Variants in CLNK observed in about 807,000 individuals in gnomAD.
CLNK encodes the protein cytokine-dependent hematopoietic cell linker.
In CLNK, 74 loss-of-function variants were observed where a neutral mutation model predicts 68.6. The observed-to-expected ratio is 1.08, with a 90% CI of 0.89 to 1.31. The LOEUF (loss-of-function observed/expected upper bound fraction) is 1.31. Ranked by LOEUF, CLNK falls within the 50% of genes most tolerant of loss-of-function variation. The pLI is 0.00. For synonymous variants in CLNK, 198 were observed against 172.2 expected (o/e 1.15, Z -1.17); for missense variants, 553 against 515.3 (o/e 1.07, Z -0.71).
At chr4:10,552,666 T>G (rs1719508713) in intron 8 of CLNK, among the ~76,000 whole-genome samples, 2 of 152,034 alleles carry the variant, frequency 1.3e-5, no homozygotes, top group South Asian at 4.1e-4. Flanking sequence ...TTACCTGCCC[T>G]CCCATCCCTT....
chr4:10,619,341 G>A (rs1303794920), intron 2 of CLNK, among the ~76,000 whole-genome samples: 1 of 152,152 alleles, frequency 6.6e-6, no homozygotes, highest in Non-Finnish European at 1.5e-5. Flanking sequence ...TTTTTAAACC[G>A]GTCAGACTCC....
the CLNK span, among the ~76,000 whole-genome samples, chr4:10,721,157 G>A: frequency 1.3e-5 from 2 of 150,682 alleles, no homozygotes; most frequent in African/African-American, 4.9e-5. Flanking sequence ...GCCAGGGACT[G>A]AGGAGGGAGG....
At chr4:10,535,200 AGAAAGAAAGAAAG>A (rs1192573789) in intron 11 of CLNK, among the ~76,000 whole-genome samples, 9 of 144,000 alleles carry the variant, frequency 6.3e-5, no homozygotes, top group Admixed American at 5.9e-4. Flanking sequence ...CTTAAAAAAA[AGAAAGAAAGAAAG>A]AGAAAGAAAG....
intron 8 of CLNK, among the ~76,000 whole-genome samples, chr4:10,557,145 C>A (rs1202315343): frequency 1.3e-5 from 2 of 151,986 alleles, no homozygotes; most frequent in Admixed American, 1.3e-4. Flanking sequence ...AGGGGTCTTA[C>A]TTAAGGTCAC....
intron 1 of CLNK, among the ~76,000 whole-genome samples, chr4:10,668,611 G>A (rs1170103267): frequency 6.6e-6 from 1 of 152,184 alleles, no homozygotes; most frequent in East Asian, 1.9e-4. Context: ...CAGGGTAGAA[G>A]GAATCCACAG....
At chr4:10,641,015 T>C (rs1226206535) in intron 2 of CLNK, among the ~76,000 whole-genome samples, 4 of 152,062 alleles carry the variant, frequency 2.6e-5, no homozygotes, top group African/African-American at 9.7e-5. Flanking sequence ...GTCAGGGCTA[T>C]TTTTCATGTA....
intron 11 of CLNK, among the ~76,000 whole-genome samples, chr4:10,533,147 A>C (rs576848217): frequency 6.6e-6 from 1 of 152,158 alleles, no homozygotes; most frequent in East Asian, 1.9e-4. Context: ...AGTCCCAGCT[A>C]CTCGGGAGGC....
intron 7 of CLNK, among the ~76,000 whole-genome samples, chr4:10,562,070 A>G (rs1487504661): frequency 6.8e-6 from 1 of 146,188 alleles, no homozygotes; most frequent in Non-Finnish European, 1.5e-5. Context: ...CTTGGATCTT[A>G]TTGAAGATTC....
At chr4:10,565,878 C>T in intron 6 of CLNK, 131 bp downstream of exon 6, 3 of 925,146 alleles carry the variant, frequency 3.2e-6, no homozygotes, top group South Asian at 1.9e-5. Context: ...CTCAAGGTCA[C>T]ACAGCTAGTA....
At chr4:10,516,788 C>T (rs546491849) in intron 15 of CLNK, among the ~76,000 whole-genome samples, 20 of 152,182 alleles carry the variant, frequency 1.3e-4, no homozygotes, top group African/African-American at 4.1e-4. Context: ...TGATCTCAGG[C>T]GATCCGCCCA....
At chr4:10,568,333 G>A (rs772390302) in intron 5 of CLNK, among the ~76,000 whole-genome samples, 10 of 152,160 alleles carry the variant, frequency 6.6e-5, no homozygotes, top group Non-Finnish European at 1.3e-4. Flanking sequence ...TCTGGAAGAG[G>A]AGGATCTATA....
the CLNK span, among the ~76,000 whole-genome samples, chr4:10,710,146 G>A: frequency 6.6e-6 from 1 of 152,168 alleles, no homozygotes; most frequent in Admixed American, 6.5e-5. Flanking sequence ...AAAGTAAGAG[G>A]CAAAAGGGAG....
chr4:10,629,467 G>A (rs2108867689), intron 2 of CLNK, among the ~76,000 whole-genome samples: 2 of 152,172 alleles, frequency 1.3e-5, no homozygotes, highest in East Asian at 3.9e-4. Flanking sequence ...TCACAGATGA[G>A]GCCCCCTGAT....
At chr4:10,571,892 C>G in intron 4 of CLNK, 114 bp from the exon 5 acceptor site, 1 of 763,944 alleles carries the variant, frequency 1.3e-6, no homozygotes, top group Non-Finnish European at 2.2e-6. Context: ...AATTAACTTA[C>G]CTTGATTGTG....
upstream of CLNK, among the ~76,000 whole-genome samples, chr4:10,686,220 C>T (rs1282867908): frequency 6.6e-6 from 1 of 152,086 alleles, no homozygotes; most frequent in African/African-American, 2.4e-5. Context: ...CAAATTTCCC[C>T]TTCTTATCAG....
chr4:10,602,080 G>A (rs904550072), intron 2 of CLNK, among the ~76,000 whole-genome samples: 4 of 152,178 alleles, frequency 2.6e-5, no homozygotes, highest in Non-Finnish European at 4.4e-5. Context: ...AGCACCTTCA[G>A]GTCCAACACT....
intron 8 of CLNK, 128 bp from the exon 9 acceptor site, chr4:10,542,408 G>A (rs765412470): frequency 2.4e-4 from 154 of 648,148 alleles, no homozygotes; most frequent in Non-Finnish European, 3.8e-4. Context: ...AATATTTGCT[G>A]AGATCATATG....
At chr4:10,591,831 T>C (rs898692047) in intron 3 of CLNK, among the ~76,000 whole-genome samples, 3 of 152,322 alleles carry the variant, frequency 2.0e-5, no homozygotes, top group African/African-American at 7.2e-5. Flanking sequence ...AATAAGTGAA[T>C]CCATGGGTTC....
upstream of CLNK, among the ~76,000 whole-genome samples, chr4:10,687,929 T>C (rs1306876864): frequency 1.3e-5 from 2 of 152,142 alleles, no homozygotes; most frequent in African/African-American, 2.4e-5. Flanking sequence ...GAAGTATAAA[T>C]CCAGAGAAGT....
Sources: allele counts gnomAD v4.1 joint callset (sites outside exome capture counted in the v4.1 genomes callset), GRCh38; gene constraint gnomAD v4.1.1; transcripts MANE v1.5; gene names NCBI Gene and HGNC (gene_info 2026-07-23, HGNC 2026-07-21).